Variants in CD244 observed in about 807,000 individuals in gnomAD.
The protein encoded by CD244 is CD244 molecule, also known as natural killer cell receptor 2B4.
In CD244, 20 loss-of-function variants were observed where a neutral mutation model predicts 45.5. The observed-to-expected ratio is 0.44, with a 90% CI of 0.31 to 0.64. The LOEUF is 0.64. CD244 is among the 30% of genes least tolerant of loss of function. The pLI, the probability that CD244 is intolerant of heterozygous loss-of-function variation, is 0.08. For synonymous variants in CD244, 185 were observed against 160.5 expected (o/e 1.15, Z -1.15); for missense variants, 407 against 426.9 (o/e 0.95, Z 0.41).
chr1:160,851,983 A>C (rs1396007091), intron 1 of CD244, among the ~76,000 whole-genome samples: 1 of 152,240 alleles, frequency 6.6e-6, no homozygotes, highest in Non-Finnish European at 1.5e-5. Context: ...AAGCAAGCCA[A>C]AGACTGGGAG....
chr1:160,862,425 C>T (rs1388302454), intron 1 of CD244, among the ~76,000 whole-genome samples, 192 bp downstream of exon 1: 2 of 152,178 alleles, frequency 1.3e-5, no homozygotes, highest in Non-Finnish European at 2.9e-5. Flanking sequence ...GCCAGATACC[C>T]CTCTCACAGA....
Position 160,831,335 on chromosome 1 carries a change from T to C in CD244, c.*12A>G, listed in dbSNP as rs759722375. ...TGCTGATGTGCAAGAAAGGTGAGAA[T>C]TGCTGCAGCAACTAGGAATAAACAT... On this transcript the variant is annotated 3_prime_UTR_variant, in exon 9 of 9. Transcript: ENST00000368034. 3 of 1,608,778 alleles carry C rather than the reference T, an allele frequency of 1.9e-6. No individual in the cohort carries two copies. The highest frequency in any genetic ancestry group is 2.2e-5 in the East Asian group (1 of 44,860).
At chr1:160,851,229 TG>T (rs1286240875) in intron 1 of CD244, among the ~76,000 whole-genome samples, 1 of 152,202 alleles carries the variant, frequency 6.6e-6, no homozygotes, top group Admixed American at 6.5e-5. Context: ...TCCTGAAGGT[TG>T]GGGACGGGCT....
chr1:160,836,159 T>G lies in CD244; in HGVS notation c.894+36A>C, dbSNP rs373909944. 9.3e-6 allele frequency: 14 copies of G among 1,513,404 alleles called. No homozygotes were observed. The East Asian group carries it at 2.5e-4, about 27-fold the overall frequency. 93.7% of individuals were successfully genotyped at this position (1,513,404 alleles called of 1,614,324 possible). A position where few individuals can be genotyped will look rare whatever the true frequency, so the allele number is the denominator to read the frequency against. On this transcript the variant is annotated intron_variant, in intron 6 of 8. Transcript: ENST00000368034. ...GGGGGGCATTAGGAAACCCCAGAGA[T>G]AGGTATGGAATGGACTAGAGAAACT...
rs760537469 is a variant in CD244, at chr1:160,839,017, C to T, written c.688G>A (p.Val230Met). 1.9e-6 allele frequency: 3 copies of T among 1,613,802 alleles called. No individual in the cohort carries two copies. Among genetic ancestry groups the T allele is most frequent in the East Asian group, 2.2e-5 (1 of 44,870 alleles). ...CCAAGGAACAGTGCGCTTAGAATCA[C>T]GATGATCACCAAAAACGGCCAAAAT... ...FRFWPFLVII[V>M]ILSALFLGTL... Residue 230 changes from valine (V) to methionine (M), a missense_variant, in exon 4 of 9, where the codon GTG (valine) becomes ATG (methionine). Coordinates refer to ENST00000368034, the MANE Select transcript of CD244 (RefSeq NM_016382.4).
intron 5 of CD244, among the ~76,000 whole-genome samples, chr1:160,836,494 C>T (rs1257393174): frequency 2.0e-5 from 3 of 152,150 alleles, no homozygotes; most frequent in Non-Finnish European, 4.4e-5. Flanking sequence ...TTCCAGCAAC[C>T]CTGCTCAAAG....
intron 1 of CD244, among the ~76,000 whole-genome samples, chr1:160,858,376 A>G (rs1231257552): frequency 6.6e-6 from 1 of 152,122 alleles, no homozygotes; most frequent in Non-Finnish European, 1.5e-5. Flanking sequence ...CAACCCTTGG[A>G]GCTAATCTAT....
At position 160,839,066 on chromosome 1, in the gene CD244, G is replaced by T; in HGVS notation, c.656-17C>A. 1.9e-6 allele frequency: 3 copies of T among 1,572,396 alleles called. No individual in the cohort carries two copies. The highest frequency in any genetic ancestry group is 2.6e-6 in the Non-Finnish European group (3 of 1,144,054). Reference sequence around the variant, plus strand: ...ATCTGAATTCTGAGGAATACAGAAGGCGTGAGAACTGAGCTGTCAGCTCGC... The same window carrying T: ...ATCTGAATTCTGAGGAATACAGAAGTCGTGAGAACTGAGCTGTCAGCTCGC... On this transcript the variant is annotated splice_polypyrimidine_tract_variant and intron_variant, in intron 3 of 8. Transcript: ENST00000368034.
chr1:160,836,493 C>A (rs530635969), intron 5 of CD244, among the ~76,000 whole-genome samples: 1 of 152,284 alleles, frequency 6.6e-6, no homozygotes, highest in Admixed American at 6.5e-5. Flanking sequence ...GTTCCAGCAA[C>A]CCTGCTCAAA....
intron 5 of CD244, among the ~76,000 whole-genome samples, chr1:160,837,837 C>T (rs1669386911): frequency 6.6e-6 from 1 of 152,230 alleles, no homozygotes; most frequent in Non-Finnish European, 1.5e-5. Flanking sequence ...AGGCCCTCTG[C>T]AATTTCCTCC....
chr1:160,861,409 G>T (rs1435101445), intron 1 of CD244, among the ~76,000 whole-genome samples: 1 of 152,138 alleles, frequency 6.6e-6, no homozygotes, highest in Non-Finnish European at 1.5e-5. Flanking sequence ...TTGCATATGG[G>T]GCTTCTACCT....
rs1054860974 is a variant in CD244, at chr1:160,838,990, T to A, written c.715A>T (p.Thr239Ser). 1.9e-6 allele frequency: 3 copies of A among 1,614,018 alleles called. No individual in the cohort carries two copies. In the South Asian group the frequency reaches 3.3e-5, roughly 18 times the overall value. Reference sequence around the variant, plus strand: ...CTCCACACACAGAAGCAGGCAAGGGTGCCAAGGAACAGTGCGCTTAGAATC... The same window carrying A: ...CTCCACACACAGAAGCAGGCAAGGGAGCCAAGGAACAGTGCGCTTAGAATC... ...IVILSALFLG[T>S]LACFCVWRRK... The change falls in exon 4 of 9, where the codon ACC becomes TCC. Residue 239 changes from threonine (T) to serine (S), a missense_variant. Transcript: ENST00000368034.
At chr1:160,838,427 A>AC (rs1297948414) in intron 5 of CD244, 24 bp downstream of exon 5, 2 of 1,576,038 alleles carry the variant, frequency 1.3e-6, no homozygotes, top group African/African-American at 2.7e-5. Flanking sequence ...GCTGAGAGAG[A>AC]CCCCAGCCTC....
rs753538633 is a variant in CD244, at chr1:160,844,561, T to G, written c.62-2660A>C. ...CTAGATCTGAAAAGGCATTGCACAT[T>G]TCTACTTGTTCTCTTGGAACCTCAT... On this transcript the variant is annotated intron_variant, in intron 1 of 8. Transcript: ENST00000368034. Among the ~76,000 whole-genome samples the G allele has an allele frequency of 5.1e-4, 77 of 152,194 alleles. 1 individual carries two copies. The highest frequency in any genetic ancestry group is 6.2e-4 in the Non-Finnish European group (42 of 68,040).
chr1:160,849,038 C>T (rs938601721), intron 1 of CD244, among the ~76,000 whole-genome samples: 1 of 152,016 alleles, frequency 6.6e-6, no homozygotes, highest in Non-Finnish European at 1.5e-5. Context: ...GGACTGAGCC[C>T]CCAGCCTCTG....
In CD244 at chr1:160,841,588, T is replaced by C. The variant is rs1669543197; in HGVS notation, c.375A>G (p.Val125=). 1.2e-6 allele frequency: 2 copies of C among 1,613,768 alleles called. No homozygotes were observed. The highest frequency in any genetic ancestry group is 1.7e-6 in the Non-Finnish European group (2 of 1,179,908). The part of the protein sequence containing the change: ...KVQTATFQVF[V]FDKVEKPRLQ... ...TGAACAGTCCTGGAGACTTACCAAA[T>C]ACAAAAACCTGGAACGTGGCTGTCT... is the stretch of plus-strand genomic sequence containing the variant. Residue 125 remains valine (V), a synonymous_variant, in exon 2 of 9, where the codon GTA becomes GTG. Transcript: ENST00000368034.
In CD244 at chr1:160,862,630, C is replaced by T; in HGVS notation, c.48G>A (p.Val16=). The stretch of plus-strand genomic sequence containing the variant: ...GGACCTCCTTACCTTTGCCCTGATA[C>T]ACCTTGAGGAGCAGGAGGAGTATGA... ...VTLILLLLLK[V]YQGKGCQGSA... is the part of the protein sequence containing the mutation. The change falls in exon 1 of 9, where the codon GTG becomes GTA. Residue 16 remains valine, a synonymous_variant. Coordinates refer to ENST00000368034, the MANE Select transcript of CD244 (RefSeq NM_016382.4). 1.2e-6 allele frequency: 2 copies of T among 1,614,018 alleles called. No individual in the cohort carries two copies. The highest frequency in any genetic ancestry group is 1.7e-6 in the Non-Finnish European group (2 of 1,179,932).
Position 160,841,880 on chromosome 1 carries a change from T to A in CD244, c.83A>T (p.His28Leu), listed in dbSNP as rs748839576. The A allele has an allele frequency of 6.2e-7, 1 of 1,613,930 alleles. No homozygotes were observed. Among genetic ancestry groups the A allele is most frequent in the African/African-American group, 1.3e-5 (1 of 74,916 alleles). Residue 28 changes from histidine (H) to leucine (L), a missense_variant, in exon 2 of 9, where the codon CAT (histidine) becomes CTT (leucine). His to Leu is a moderately conservative substitution (Grantham distance 99, BLOSUM62 -3). Transcript: ENST00000368034. ...AGGCACTCCCGAGATGCTAACCACA[T>A]GGTCAGCTGATCCCTGGCATCCTAG... ...QGKGCQGSAD[H>L]VVSISGVPLQ...
chr1:160,850,019 A>T (rs1669867997), intron 1 of CD244, among the ~76,000 whole-genome samples: 5 of 152,226 alleles, frequency 3.3e-5, no homozygotes, highest in Admixed American at 2.0e-4. Context: ...TCTCAAAAAA[A>T]AAATGAATAT....
Sources: gnomAD v4.1 joint callset for allele counts (sites outside exome capture counted in the v4.1 genomes callset) on GRCh38, gnomAD v4.1.1 for gene constraint, MANE v1.5 for transcripts, NCBI Gene and HGNC (gene_info 2026-07-23, HGNC 2026-07-21) for gene names.